C2orf66: variants seen among roughly 807,000 people sequenced by gnomAD.
The protein encoded by C2orf66 is uncharacterized protein C2orf66.
C2orf66 carries 6 observed loss-of-function variants against 7.0 expected under a neutral mutation model. The observed-to-expected ratio is 0.86, with a 90% confidence interval of 0.47 to 1.69. The LOEUF (loss-of-function observed/expected upper bound fraction) is 1.69. Among genes scored for constraint, C2orf66 ranks in the 40% most tolerant of loss-of-function variants. The pLI, the probability that C2orf66 is intolerant of heterozygous loss-of-function variation, is 0.01. For missense variants in C2orf66, 107 were observed against 112.0 expected, an observed-to-expected ratio of 0.96 and a Z score of 0.20; for synonymous variants, 38 against 43.8, an observed-to-expected ratio of 0.87 and a Z score of 0.52.
chr2:196,806,086 A>G (rs1343919937), intron 2 of C2orf66, among the ~76,000 whole-genome samples: 1 of 152,202 alleles, frequency 6.6e-6, no homozygotes, highest in African/African-American at 2.4e-5. Context: ...TCAAAATTAC[A>G]CTTGTGGGAG....
chr2:196,827,094 C>T, the C2orf66 span, among the ~76,000 whole-genome samples: 2 of 151,362 alleles, frequency 1.3e-5, no homozygotes, highest in Admixed American at 1.3e-4. Flanking sequence ...CAAAGGAGGA[C>T]CCTTTCTCTA....
At chr2:196,817,575 A>G in the C2orf66 span, among the ~76,000 whole-genome samples, 73 of 150,988 alleles carry the variant, frequency 4.8e-4, no homozygotes, top group African/African-American at 1.7e-3. Context: ...AACAGAAAAC[A>G]GGGTTTGAGA....
chr2:196,809,137 A>G, intron 1 of C2orf66, 77 bp downstream of exon 1: 2 of 1,424,800 alleles, frequency 1.4e-6, no homozygotes, highest in Non-Finnish European at 1.9e-6. Flanking sequence ...TACGTTCTGG[A>G]AAACAGAATG....
At chr2:196,831,552 T>C in the C2orf66 span, among the ~76,000 whole-genome samples, 2 of 152,106 alleles carry the variant, frequency 1.3e-5, no homozygotes, top group Admixed American at 6.5e-5. Flanking sequence ...CATGCAGGCA[T>C]AGAGACCCCG....
chr2:196,807,462 T>C lies in C2orf66; in HGVS notation c.284A>G (p.His95Arg). 1.2e-6 allele frequency: 2 copies of C among 1,608,768 alleles called. No homozygotes were observed. The highest frequency in any genetic ancestry group is 1.7e-6 in the Non-Finnish European group (2 of 1,178,840). ...ADYEEQKNSF[H>R]NYLKG ...AAACTTTCAGCCTTTGAGATAATTG[T>C]GAAAGGAGTTTTTCTGCTCTTCATA... The change falls in exon 2 of 3, where the codon CAC (histidine) becomes CGC (arginine). Residue 95 changes from histidine to arginine, a missense_variant. Coordinates refer to ENST00000342506, the MANE Select transcript of C2orf66 (RefSeq NM_213608.3).
At chr2:196,820,348 A>G in the C2orf66 span, among the ~76,000 whole-genome samples, 5 of 152,210 alleles carry the variant, frequency 3.3e-5, no homozygotes, top group Admixed American at 2.0e-4. Flanking sequence ...CCCATACGTC[A>G]TAGGAGATAT....
chr2:196,807,958 A>G (rs1183624630), intron 1 of C2orf66, among the ~76,000 whole-genome samples: 1 of 152,372 alleles, frequency 6.6e-6, no homozygotes, highest in East Asian at 1.9e-4. Flanking sequence ...TAAGCAGCTC[A>G]GTATCTCCTC....
At chr2:196,828,510 A>C in the C2orf66 span, among the ~76,000 whole-genome samples, 2 of 152,188 alleles carry the variant, frequency 1.3e-5, no homozygotes, top group Non-Finnish European at 2.9e-5. Flanking sequence ...TATACCTTGT[A>C]TAATCCCCTC....
At chr2:196,830,698 C>T in the C2orf66 span, among the ~76,000 whole-genome samples, 1 of 152,150 alleles carries the variant, frequency 6.6e-6, no homozygotes, top group Non-Finnish European at 1.5e-5. Flanking sequence ...CGATCTCTCT[C>T]TTACACTGTT....
At chr2:196,820,969 G>A in the C2orf66 span, among the ~76,000 whole-genome samples, 46 of 152,208 alleles carry the variant, frequency 3.0e-4, no homozygotes, top group Non-Finnish European at 5.9e-4. Flanking sequence ...CTCTTGAGAT[G>A]AGACTATCCT....
chr2:196,818,346 C>T, the C2orf66 span, among the ~76,000 whole-genome samples: 7 of 152,244 alleles, frequency 4.6e-5, no homozygotes, highest in Non-Finnish European at 8.8e-5. Flanking sequence ...AGAGCACTGG[C>T]TCTCAAGTCC....
the C2orf66 span, among the ~76,000 whole-genome samples, chr2:196,830,357 G>T: frequency 2.0e-5 from 3 of 152,166 alleles, no homozygotes; most frequent in Non-Finnish European, 4.4e-5. Flanking sequence ...GAAACTAGGC[G>T]CTCAGTGTGA....
the C2orf66 span, among the ~76,000 whole-genome samples, chr2:196,815,179 G>A: frequency 6.6e-6 from 1 of 151,734 alleles, no homozygotes; most frequent in Non-Finnish European, 1.5e-5. Context: ...ATGTTGCCCA[G>A]GCTGGTCTCA....
chr2:196,830,952 C>G, the C2orf66 span, among the ~76,000 whole-genome samples: 1,500 of 152,260 alleles, frequency 9.9e-3, 23 homozygotes, highest in African/African-American at 0.034. Context: ...ACCTATCTCT[C>G]TAATTCACAT....
At chr2:196,826,900 G>A in the C2orf66 span, among the ~76,000 whole-genome samples, 226 of 151,974 alleles carry the variant, frequency 1.5e-3, no homozygotes, top group Non-Finnish European at 1.6e-3. Context: ...GCGTGGTGGC[G>A]GGCACCTGTA....
intron 2 of C2orf66, among the ~76,000 whole-genome samples, chr2:196,806,628 A>G (rs560449856): frequency 2.6e-5 from 4 of 151,766 alleles, no homozygotes; most frequent in Non-Finnish European, 5.9e-5. Context: ...AGGCAGGTGG[A>G]TCACGAGGTC....
the C2orf66 span, among the ~76,000 whole-genome samples, chr2:196,826,591 G>A: frequency 6.6e-6 from 1 of 152,136 alleles, no homozygotes; most frequent in East Asian, 1.9e-4. Flanking sequence ...CTTGTTTAAT[G>A]GATATAGTTG....
intron 1 of C2orf66, among the ~76,000 whole-genome samples, chr2:196,807,879 C>G (rs934137141): frequency 6.6e-6 from 1 of 152,182 alleles, no homozygotes; most frequent in Non-Finnish European, 1.5e-5. Flanking sequence ...TGGAGCGGCA[C>G]CACAGTGGAA....
At position 196,804,968 on chromosome 2, in the gene C2orf66, G is replaced by C. The variant is rs1009482195; in HGVS notation, c.*460C>G. The C allele has an allele frequency of 2.0e-5, 3 of 151,994 alleles. No homozygotes were observed. The highest frequency in any genetic ancestry group is 4.4e-5 in the Non-Finnish European group (3 of 68,010). The allele number at this position is 151,994 out of a possible 1,614,324, so 9.4% of individuals were successfully genotyped here. On this transcript the variant is annotated 3_prime_UTR_variant, in exon 3 of 3. Coordinates refer to ENST00000342506, the MANE Select transcript of C2orf66 (RefSeq NM_213608.3). The stretch of plus-strand genomic sequence containing the variant: ...AACATGGGAATGCATCTTCTTTTTA[G>C]GAAAGGAAGACAAATTTTAAACCCA...
Sources: allele counts gnomAD v4.1 joint callset (sites outside exome capture counted in the v4.1 genomes callset), GRCh38; gene constraint gnomAD v4.1.1; transcripts MANE v1.5; gene names NCBI Gene and HGNC (gene_info 2026-07-23, HGNC 2026-07-21).